Variants in NRXN3 observed in about 807,000 individuals in gnomAD.
NRXN3 encodes neurexin III.
A neutral mutation model predicts 137.6 loss-of-function variants in NRXN3; 32 were observed. The observed-to-expected ratio is 0.23, with a 90% CI of 0.18 to 0.31. The LOEUF is 0.31. Ranked by LOEUF, NRXN3 falls within the 10% of genes least tolerant of loss-of-function variation. The pLI, the probability that NRXN3 is intolerant of heterozygous loss-of-function variation, is 1.00. For missense variants in NRXN3, 1,574 were observed against 2,062.5 expected (o/e 0.76, Z 4.59); for synonymous variants, 798 against 784.5 (o/e 1.02, Z -0.29).
chr14:78,777,328 C>A lies in NRXN3; in HGVS notation c.2045-26292C>A, dbSNP rs146646531. 2.1e-3 allele frequency among the ~76,000 whole-genome samples: 323 copies of A among 152,256 alleles called. 2 individuals carry two copies. Among genetic ancestry groups the A allele is most frequent in the African/African-American group, 7.4e-3 (307 of 41,542 alleles). ...GTTTGACTTACAGAGAATTTCAATT[C>A]CATTTTTCAATTCCTGCCATTTTCT... On this transcript the variant is annotated intron_variant, in intron 8 of 20. Transcript: ENST00000335750.
intron 4 of NRXN3, among the ~76,000 whole-genome samples, chr14:78,541,801 G>T (rs1005183966): frequency 1.3e-5 from 2 of 152,114 alleles, no homozygotes; most frequent in Non-Finnish European, 2.9e-5. Flanking sequence ...ATGGGGTTTT[G>T]GTGTAGATGA....
chr14:79,131,930 G>A (rs1197471276), intron 15 of NRXN3, among the ~76,000 whole-genome samples: 1 of 152,262 alleles, frequency 6.6e-6, no homozygotes, highest in African/African-American at 2.4e-5. Flanking sequence ...GGGTGGGAGT[G>A]ACCCGATTTT....
chr14:79,181,457 C>T (rs923044899), intron 15 of NRXN3, among the ~76,000 whole-genome samples: 14 of 151,840 alleles, frequency 9.2e-5, no homozygotes, highest in African/African-American at 2.9e-4. Context: ...CCAAGGCAGG[C>T]GGATCGCTTG....
At chr14:78,596,098 T>C (rs1212934159) in intron 4 of NRXN3, among the ~76,000 whole-genome samples, 2 of 152,324 alleles carry the variant, frequency 1.3e-5, no homozygotes, top group East Asian at 1.9e-4. Context: ...TCAATAGTGC[T>C]GAGGTTGAGA....
intron 19 of NRXN3, among the ~76,000 whole-genome samples, chr14:79,725,593 C>T (rs1346439628): frequency 6.6e-6 from 1 of 152,092 alleles, no homozygotes; most frequent in Non-Finnish European, 1.5e-5. Context: ...TAACCTTAAA[C>T]ACTGATTTCC....
intron 4 of NRXN3, among the ~76,000 whole-genome samples, chr14:78,490,171 CG>C (rs1342260263): frequency 1.1e-4 from 13 of 114,148 alleles, no homozygotes; most frequent in African/African-American, 3.5e-4. Flanking sequence ...CCTCGGCCTC[CG>C]AAAGTGCTGG....
intron 19 of NRXN3, among the ~76,000 whole-genome samples, chr14:79,715,325 C>T (rs1455606238): frequency 2.0e-5 from 3 of 152,162 alleles, no homozygotes; most frequent in Admixed American, 1.3e-4. Context: ...TGAACAAGGC[C>T]TCAGCCAGCT....
At chr14:79,485,213 G>A (rs1196941119) in intron 16 of NRXN3, among the ~76,000 whole-genome samples, 1 of 152,172 alleles carries the variant, frequency 6.6e-6, no homozygotes, top group South Asian at 2.1e-4. Context: ...GAATATTAAG[G>A]AACACAATTT....
At chr14:79,596,712 A>G (rs1321462551) in intron 16 of NRXN3, among the ~76,000 whole-genome samples, 2 of 151,846 alleles carry the variant, frequency 1.3e-5, no homozygotes, top group Admixed American at 6.6e-5. Context: ...AAGGGAAGTT[A>G]TCCTGGGGCT....
intron 10 of NRXN3, among the ~76,000 whole-genome samples, chr14:78,822,705 A>G (rs1381555401): frequency 7.4e-6 from 1 of 135,410 alleles, no homozygotes; most frequent in African/African-American, 3.5e-5. Context: ...AACAACAAAA[A>G]CAAACAAAAA....
intron 15 of NRXN3, among the ~76,000 whole-genome samples, chr14:79,268,071 GT>G (rs1474510819): frequency 6.6e-6 from 1 of 152,100 alleles, no homozygotes; most frequent in African/African-American, 2.4e-5. Context: ...TCAACTAATG[GT>G]AAACACTTTT....
At chr14:78,308,093 G>GTT (rs397735239) in intron 4 of NRXN3, among the ~76,000 whole-genome samples, 44 of 149,308 alleles carry the variant, frequency 2.9e-4, no homozygotes, top group East Asian at 3.9e-4. Flanking sequence ...ACATTTTCTT[G>GTT]TTTTTTTTTT....
chr14:79,257,421 GTGATGGTGGTGGTGGTGGTGGTAGTGA>G (rs2076798321), intron 15 of NRXN3, among the ~76,000 whole-genome samples: 1 of 74,740 alleles, frequency 1.3e-5, no homozygotes, highest in African/African-American at 5.2e-5. Context: ...GGTGATGGTG[GTGATGGTGGTGGTGGTGGTGGTAGTGA>G]TGGTGGTGGT....
chr14:79,729,213 A>G (rs2098911689), intron 19 of NRXN3, among the ~76,000 whole-genome samples: 1 of 152,158 alleles, frequency 6.6e-6, no homozygotes, highest in African/African-American at 2.4e-5. Context: ...CAAAGTTGGC[A>G]TTTATTTATT....
chr14:78,895,510 A>G (rs1024369606), intron 10 of NRXN3, among the ~76,000 whole-genome samples: 4 of 151,940 alleles, frequency 2.6e-5, no homozygotes, highest in African/African-American at 9.7e-5. Context: ...CCAGACCACT[A>G]CAACTTTCTC....
At chr14:78,992,303 C>T (rs535497868) in intron 15 of NRXN3, among the ~76,000 whole-genome samples, 2 of 152,234 alleles carry the variant, frequency 1.3e-5, no homozygotes, top group South Asian at 2.1e-4. Flanking sequence ...CTTCAGTTCT[C>T]GTGAAACATT....
At chr14:79,463,139 AC>A (rs1299420951) in intron 15 of NRXN3, among the ~76,000 whole-genome samples, 2 of 152,228 alleles carry the variant, frequency 1.3e-5, no homozygotes, top group Admixed American at 6.5e-5. Context: ...ATTGCCATCA[AC>A]AATTATATTC....
chr14:79,138,808 A>T (rs1259656739), intron 15 of NRXN3, among the ~76,000 whole-genome samples: 5 of 152,214 alleles, frequency 3.3e-5, no homozygotes, highest in Non-Finnish European at 7.3e-5. Context: ...CAAAACAGCA[A>T]TTCAAGAATT....
chr14:79,229,699 C>T (rs932374710), intron 15 of NRXN3, among the ~76,000 whole-genome samples: 12 of 152,070 alleles, frequency 7.9e-5, no homozygotes, highest in Non-Finnish European at 1.6e-4. Context: ...GGACTGCTCT[C>T]CCAGTGGAGA....
Sources: allele counts gnomAD v4.1 joint callset (sites outside exome capture counted in the v4.1 genomes callset), GRCh38; gene constraint gnomAD v4.1.1; transcripts MANE v1.5; gene names NCBI Gene and HGNC (gene_info 2026-07-23, HGNC 2026-07-21).